The following ERCC4 variants were observed in gnomAD, a reference collection of about 807,000 sequenced individuals.
ERCC4 encodes the protein ERCC excision repair 4, endonuclease catalytic subunit.
In ERCC4, 65 loss-of-function variants were observed where a neutral mutation model predicts 76.9. The observed-to-expected ratio is 0.84, with a 90% CI of 0.69 to 1.04. The LOEUF (loss-of-function observed/expected upper bound fraction) is 1.04. ERCC4 is among the 50% of genes least tolerant of loss of function. The pLI is 0.00. For missense variants in ERCC4, 1,214 were observed against 1,128.2 expected (o/e 1.08, Z -1.09); for synonymous variants, 463 against 410.1 (o/e 1.13, Z -1.56).
chr16:13,942,297 A>G (rs1183556027), intron 9 of ERCC4, among the ~76,000 whole-genome samples: 2 of 152,206 alleles, frequency 1.3e-5, no homozygotes, highest in Admixed American at 6.5e-5. Context: ...TATTTTCTTC[A>G]TAGTCCAGGT....
intron 2 of ERCC4, 81 bp from the exon 3 acceptor site, chr16:13,926,480 G>T: frequency 1.7e-6 from 2 of 1,212,100 alleles, no homozygotes; most frequent in South Asian, 1.2e-5. Context: ...TCATTCTCTT[G>T]TAAGTACTTA....
At chr16:13,940,975 G>A (rs2032402304) in intron 9 of ERCC4, among the ~76,000 whole-genome samples, 1 of 152,212 alleles carries the variant, frequency 6.6e-6, no homozygotes, top group South Asian at 2.1e-4. Flanking sequence ...TGCTTCGCCT[G>A]TCTTCATGCA....
Position 13,922,195 on chromosome 16 carries a change from T to G in ERCC4, c.372T>G (p.Pro124=). ...TTGACTTCTTGACTGATAGAATACC[T>G]TCAGATTTAATTACTGGTAAGAATT... ...LVVDFLTDRI[P]SDLITGILVY... is the part of the protein sequence containing the mutation. The change falls in exon 2 of 11, where the codon CCT becomes CCG. Residue 124 remains proline, a synonymous_variant. Coordinates refer to ENST00000311895, the MANE Select transcript of ERCC4 (RefSeq NM_005236.3). 3 of 1,607,752 alleles carry G rather than the reference T, an allele frequency of 1.9e-6. No individual in the cohort carries two copies. Among genetic ancestry groups the G allele is most frequent in the Non-Finnish European group, 2.6e-6 (3 of 1,174,484 alleles).
In ERCC4 at chr16:13,933,992, A is replaced by G. The variant is rs3136143; in HGVS notation, c.1103-200A>G. The G allele has an allele frequency of 1.0e-3, 518 of 512,464 alleles. 2 individuals carry two copies. Among genetic ancestry groups the G allele is most frequent in the African/African-American group, 6.7e-3 (348 of 52,274 alleles). The allele number at this position is 512,464 out of a possible 1,614,324, so 31.7% of individuals were successfully genotyped here. A position where few individuals can be genotyped will look rare whatever the true frequency, so the allele number is the denominator to read the frequency against. On this transcript the variant is annotated intron_variant, in intron 6 of 10. Transcript: ENST00000311895. The stretch of plus-strand genomic sequence containing the variant: ...TCTACCAAGGCATTTTGAAAGCCAT[A>G]TTAATGGTTTGAAGTATCTTTCATT...
At chr16:13,938,491 T>A (rs1437490758) in intron 9 of ERCC4, among the ~76,000 whole-genome samples, 2 of 152,228 alleles carry the variant, frequency 1.3e-5, no homozygotes, top group Admixed American at 6.5e-5. Flanking sequence ...CTGAAGGCAT[T>A]CGATAAATCT....
At chr16:13,935,114 A>G in intron 7 of ERCC4, 32 bp from the exon 8 acceptor site, 1 of 1,491,966 alleles carries the variant, frequency 6.7e-7, no homozygotes. Context: ...CAAGTGAGGT[A>G]ATAGTAACAT....
At chr16:13,920,619 G>A (rs951374700) in intron 1 of ERCC4, among the ~76,000 whole-genome samples, 2 of 152,046 alleles carry the variant, frequency 1.3e-5, no homozygotes, top group Non-Finnish European at 2.9e-5. Flanking sequence ...CGGGGACACT[G>A]ATAAGAATTG....
rs1217523863 is a variant in ERCC4 at position 13,948,923 on chromosome 16, A to C, written c.*576A>C. ...TGTCTACAAAGGAGCCTTCTGGAAC[A>C]CTGAGAAGAAACATCTCTTTGCCAT... On this transcript the variant is annotated 3_prime_UTR_variant, in exon 11 of 11. Transcript: ENST00000311895. 1 of 232,528 alleles carries C rather than the reference A, an allele frequency of 4.3e-6. No homozygotes were observed. Among genetic ancestry groups the C allele is most frequent in the Non-Finnish European group, 8.5e-6 (1 of 117,696 alleles). 14.4% of individuals were successfully genotyped at this position (232,528 alleles called of 1,614,324 possible).
At chr16:13,937,514 A>C (rs1356920772) in intron 8 of ERCC4, among the ~76,000 whole-genome samples, 1 of 152,174 alleles carries the variant, frequency 6.6e-6, no homozygotes, top group Non-Finnish European at 1.5e-5. Context: ...GTTATATTTC[A>C]GTGTTTACCT....
Position 13,935,235 on chromosome 16 carries a change from C to A in ERCC4, c.1303C>A (p.Leu435Ile), listed in dbSNP as rs1305566135. 6.2e-7 allele frequency: 1 copy of A among 1,613,962 alleles called. No individual in the cohort carries two copies. The highest frequency in any genetic ancestry group is 8.5e-7 in the Non-Finnish European group (1 of 1,179,930). Residue 435 changes from leucine to isoleucine, a missense_variant, in exon 8 of 11, where the codon CTC becomes ATC. Transcript: ENST00000311895. ...TGGAGCGGAGGCCTTCTTATTGAGGCTCTACAGGAAAACCTTTGAGAAGGA... is the reference window on the plus strand; with the variant it reads ...TGGAGCGGAGGCCTTCTTATTGAGGATCTACAGGAAAACCTTTGAGAAGGA... ...TLGAEAFLLR[L>I]YRKTFEKDSK...
At position 13,935,425 on chromosome 16, in the gene ERCC4, T is replaced by C. The variant is rs373587423; in HGVS notation, c.1493T>C (p.Val498Ala). The change falls in exon 8 of 11, where the codon GTA becomes GCA. Residue 498 changes from valine (V) to alanine (A), a missense_variant. Physicochemically the swap from Val to Ala is moderately conservative, Grantham distance 64. Coordinates refer to ENST00000311895, the MANE Select transcript of ERCC4 (RefSeq NM_005236.3). ...KKRKLTLTQM[V>A]GKPEELEEEG... ...CGGAAGTTGACCTTAACTCAAATGG[T>C]AGGAAAACCTGAAGAACTGGAAGAG... 1.4e-5 allele frequency: 22 copies of C among 1,613,574 alleles called. No individual in the cohort carries two copies. Among genetic ancestry groups the C allele is most frequent in the Non-Finnish European group, 1.7e-5 (20 of 1,179,944 alleles).
chr16:13,938,358 A>G (rs1256648898), intron 9 of ERCC4, among the ~76,000 whole-genome samples: 2 of 152,186 alleles, frequency 1.3e-5, no homozygotes. Context: ...TTGTCTGGAC[A>G]TACACGTGTA....
intron 2 of ERCC4, among the ~76,000 whole-genome samples, chr16:13,925,059 T>A (rs2032047722): frequency 6.6e-6 from 1 of 152,206 alleles, no homozygotes; most frequent in Non-Finnish European, 1.5e-5. Flanking sequence ...GGCCTCCCAC[T>A]TGCTTGCTGG....
Position 13,920,387 on chromosome 16 carries a change from G to C in ERCC4, c.207+15G>C. ...CGGCCGAGGAGGTGCGGCCGCGCTG[G>C]CGCGGGAGTGAGGGGACTCCGAGAG... On this transcript the variant is annotated intron_variant, in intron 1 of 10. Coordinates refer to ENST00000311895, the MANE Select transcript of ERCC4 (RefSeq NM_005236.3). 1 of 1,550,634 alleles carries C rather than the reference G, an allele frequency of 6.4e-7. No individual in the cohort carries two copies. Among genetic ancestry groups the C allele is most frequent in the Non-Finnish European group, 8.7e-7 (1 of 1,154,594 alleles).
chr16:13,927,656 G>A (rs963384517), intron 3 of ERCC4: 1 of 205,220 alleles, frequency 4.9e-6, no homozygotes, highest in Admixed American at 5.5e-5. Context: ...AAATGGCCAG[G>A]TAGTAAATAT....
chr16:13,924,527 C>T, intron 2 of ERCC4, among the ~76,000 whole-genome samples: 1 of 152,166 alleles, frequency 6.6e-6, no homozygotes, highest in East Asian at 1.9e-4. Context: ...CCTTGTTTGG[C>T]AGGAAGGGTG....
intron 5 of ERCC4, chr16:13,931,098 A>G (rs770580508): frequency 1.7e-6 from 1 of 577,386 alleles, no homozygotes. Context: ...ATAATAATAA[A>G]TATTCATATC....
At chr16:13,930,427 A>G (rs185279606) in intron 4 of ERCC4, among the ~76,000 whole-genome samples, 249 of 152,296 alleles carry the variant, frequency 1.6e-3, no homozygotes, top group African/African-American at 5.7e-3. Context: ...TATTTGGATG[A>G]TAGATTGACT....
rs1037041256 is a variant in ERCC4 at position 13,931,265 on chromosome 16, G to C, written c.973+375G>C. 15 of 240,408 alleles carry C rather than the reference G, an allele frequency of 6.2e-5. No individual in the cohort carries two copies. In the East Asian group the frequency reaches 1.5e-3, roughly 25 times the overall value. The allele number at this position is 240,408 out of a possible 1,614,324, so 14.9% of individuals were successfully genotyped here. ...GAGTATGGGGCTTCCATCAGCTAGA[G>C]TGCCAAAGACTGAAGAGCAGAAGAG... On this transcript the variant is annotated intron_variant, in intron 5 of 10. Transcript: ENST00000311895.
Sources: gnomAD v4.1 joint callset for allele counts (sites outside exome capture counted in the v4.1 genomes callset) on GRCh38, gnomAD v4.1.1 for gene constraint, MANE v1.5 for transcripts, NCBI Gene and HGNC (gene_info 2026-07-23, HGNC 2026-07-21) for gene names.